The following ATG10 variants were observed in gnomAD, a reference collection of about 807,000 sequenced individuals.
ATG10 encodes ubiquitin-like-conjugating enzyme ATG10.
ATG10 carries 30 observed loss-of-function variants against 32.1 expected under a neutral mutation model. The ratio of observed to expected loss-of-function variants is 0.94; its 90% CI spans 0.70 to 1.27. The LOEUF is 1.27. Among genes scored for constraint, ATG10 ranks in the 50% most tolerant of loss-of-function variants. The pLI is 0.00. For missense variants in ATG10, 233 were observed against 262.3 expected (o/e 0.89, Z 0.77); for synonymous variants, 87 against 91.5 (o/e 0.95, Z 0.28).
At chr5:82,139,409 C>G (rs75765141) in intron 3 of ATG10, among the ~76,000 whole-genome samples, 22,468 of 143,854 alleles carry the variant, frequency 0.16, 1,504 homozygotes, top group East Asian at 0.29. Context: ...GCGCCTCTTC[C>G]CAGCCGCCAT....
intron 2 of ATG10, among the ~76,000 whole-genome samples, chr5:82,027,282 C>G (rs1714738713): frequency 1.3e-5 from 2 of 151,646 alleles, no homozygotes; most frequent in African/African-American, 4.8e-5. Flanking sequence ...GCCTGTAGCC[C>G]TAGTTACTCA....
chr5:82,104,581 G>C (rs1765386830), intron 3 of ATG10, among the ~76,000 whole-genome samples: 1 of 152,188 alleles, frequency 6.6e-6, no homozygotes, highest in Admixed American at 6.6e-5. Context: ...AATGTTAACT[G>C]ACCAGATTCT....
At chr5:82,073,945 G>A (rs536186892) in intron 3 of ATG10, among the ~76,000 whole-genome samples, 69 of 152,274 alleles carry the variant, frequency 4.5e-4, no homozygotes, top group African/African-American at 1.6e-3. Context: ...CAAATGGTAA[G>A]TGACAAAACT....
chr5:82,155,681 A>G (rs893127234), intron 3 of ATG10, among the ~76,000 whole-genome samples: 3 of 152,208 alleles, frequency 2.0e-5, no homozygotes, highest in Admixed American at 6.5e-5. Flanking sequence ...ATTTATTCAT[A>G]TTATATAAAA....
chr5:82,121,116 G>C lies in ATG10; in HGVS notation c.217-43283G>C, dbSNP rs1766024893. On this transcript the variant is annotated intron_variant, in intron 3 of 7. Coordinates refer to ENST00000282185, the MANE Select transcript of ATG10 (RefSeq NM_031482.5). ...TTTTTCTTTAAGCAGTCATGATACT[G>C]GTTCTTTTATAGTTAATTCTTCAGT... Among the ~76,000 whole-genome samples, 5 of 152,036 alleles carry C rather than the reference G, an allele frequency of 3.3e-5. No individual in the cohort carries two copies. In the South Asian group the frequency reaches 8.3e-4, roughly 25 times the overall value.
intron 3 of ATG10, among the ~76,000 whole-genome samples, chr5:82,089,385 C>T (rs1173056187): frequency 6.6e-6 from 1 of 151,548 alleles, no homozygotes; most frequent in Non-Finnish European, 1.5e-5. Flanking sequence ...GGGATAGACA[C>T]ATACAGCAAT....
At chr5:82,065,834 A>C (rs961251306) in intron 3 of ATG10, among the ~76,000 whole-genome samples, 5 of 152,172 alleles carry the variant, frequency 3.3e-5, no homozygotes, top group African/African-American at 1.2e-4. Flanking sequence ...TTTTGACGAA[A>C]ATTAACCATT....
chr5:82,238,067 C>T (rs1366604238), intron 5 of ATG10, among the ~76,000 whole-genome samples: 2 of 152,188 alleles, frequency 1.3e-5, no homozygotes. Flanking sequence ...ATCGATAGGG[C>T]CTCAGGCCTG....
At chr5:82,225,082 G>A (rs1746069328) in intron 5 of ATG10, among the ~76,000 whole-genome samples, 1 of 152,254 alleles carries the variant, frequency 6.6e-6, no homozygotes, top group South Asian at 2.1e-4. Context: ...TGTTCTGCAG[G>A]TATTTAGTTG....
At chr5:82,076,448 C>T (rs1206251384) in intron 3 of ATG10, among the ~76,000 whole-genome samples, 1 of 152,302 alleles carries the variant, frequency 6.6e-6, no homozygotes, top group African/African-American at 2.4e-5. Flanking sequence ...CTTGACTCCT[C>T]CTAAAACCTT....
chr5:82,005,666 T>A, intron 2 of ATG10, among the ~76,000 whole-genome samples: 1 of 152,186 alleles, frequency 6.6e-6, no homozygotes, highest in East Asian at 1.9e-4. Context: ...TTTGTTTGAT[T>A]TTTGTGTTTC....
chr5:82,225,364 T>A (rs1746083963), intron 5 of ATG10, among the ~76,000 whole-genome samples: 1 of 152,196 alleles, frequency 6.6e-6, no homozygotes, highest in African/African-American at 2.4e-5. Context: ...ATATTTGCTT[T>A]CGATCATTTA....
intron 3 of ATG10, among the ~76,000 whole-genome samples, chr5:82,160,301 A>T (rs527809323): frequency 1.3e-5 from 2 of 152,268 alleles, no homozygotes; most frequent in African/African-American, 4.8e-5. Flanking sequence ...ATTGACTTTT[A>T]TCACTTAGCA....
intron 5 of ATG10, among the ~76,000 whole-genome samples, chr5:82,195,960 T>C (rs1404689913): frequency 6.6e-6 from 1 of 152,232 alleles, no homozygotes; most frequent in African/African-American, 2.4e-5. Flanking sequence ...ACTACCAAAC[T>C]AAGTTTTACA....
At chr5:82,187,014 T>C (rs1744472620) in intron 5 of ATG10, among the ~76,000 whole-genome samples, 1 of 152,008 alleles carries the variant, frequency 6.6e-6, no homozygotes, top group Admixed American at 6.6e-5. Flanking sequence ...CATTAAGAAA[T>C]ATATGAAGAA....
chr5:82,188,756 G>A (rs1168707421), intron 5 of ATG10, among the ~76,000 whole-genome samples: 1 of 152,174 alleles, frequency 6.6e-6, no homozygotes, highest in Non-Finnish European at 1.5e-5. Context: ...TGTATGTTTT[G>A]AGTCCTTAGT....
Position 82,139,092 on chromosome 5 carries a change from C to T in ATG10, c.217-25307C>T, listed in dbSNP as rs1346317945. Among the ~76,000 whole-genome samples the T allele has an allele frequency of 2.7e-5, 4 of 147,678 alleles. No individual in the cohort carries two copies. The East Asian group carries it at 8.2e-4, about 30-fold the overall frequency. ...CCCCTAACCGCGAGTGATCCGCCAA[C>T]CTCGGCCTCCCGAGGTGCCGGGATT... On this transcript the variant is annotated intron_variant, in intron 3 of 7. Coordinates refer to ENST00000282185, the MANE Select transcript of ATG10 (RefSeq NM_031482.5).
chr5:82,165,085 A>G (rs1008172141), intron 4 of ATG10, among the ~76,000 whole-genome samples: 10 of 152,208 alleles, frequency 6.6e-5, no homozygotes, highest in African/African-American at 2.4e-4. Context: ...AAGAAGGTGG[A>G]ATACCCTGTC....
intron 3 of ATG10, among the ~76,000 whole-genome samples, chr5:82,143,566 G>C (rs1767232707): frequency 6.6e-6 from 1 of 152,214 alleles, no homozygotes; most frequent in Admixed American, 6.5e-5. Flanking sequence ...AGTAGCTAGT[G>C]GGGGAAAACA....
Sources: allele counts gnomAD v4.1 joint callset (sites outside exome capture counted in the v4.1 genomes callset), GRCh38; gene constraint gnomAD v4.1.1; transcripts MANE v1.5; gene names NCBI Gene and HGNC (gene_info 2026-07-23, HGNC 2026-07-21).